Variants in INVS observed in about 807,000 individuals in gnomAD.
INVS encodes inversion of embryo turning homolog.
INVS carries 86 observed loss-of-function variants against 108.8 expected under a neutral mutation model. The ratio of observed to expected loss-of-function variants is 0.79; its 90% confidence interval spans 0.66 to 0.95. The LOEUF is 0.95. INVS is among the 40% of genes least tolerant of loss of function. The pLI is 0.00. For synonymous variants in INVS, 455 were observed against 473.5 expected (o/e 0.96, Z 0.51); for missense variants, 1,169 against 1,297.4 (o/e 0.90, Z 1.52).
At chr9:100,219,994 T>A (rs1564163272) in intron 3 of INVS, among the ~76,000 whole-genome samples, 1 of 152,122 alleles carries the variant, frequency 6.6e-6, no homozygotes, top group African/African-American at 2.4e-5. Context: ...GGTAATGGAA[T>A]TGGGGACACA....
chr9:100,239,986 A>G, intron 5 of INVS, 74 bp from the exon 6 acceptor site: 1 of 1,401,870 alleles, frequency 7.1e-7, no homozygotes, highest in Non-Finnish European at 1.0e-6. Flanking sequence ...GAAAGAAAGA[A>G]AAAAATACTT....
chr9:100,272,943 A>G lies in INVS; in HGVS notation c.1651A>G (p.Ile551Val). ...QFMLEHGALSIAAIQDIAAFK... is the reference protein window; with the variant it reads ...QFMLEHGALSVAAIQDIAAFK... ...CATGTTGGAGCACGGTGCCCTGTCC[A>G]TCGCAGCCATACAAGACATCGCCGC... The change falls in exon 12 of 17, where the codon ATC (isoleucine) becomes GTC (valine). Residue 551 changes from isoleucine (I) to valine (V), a missense_variant. Ile to Val is a conservative substitution (Grantham distance 29, BLOSUM62 3). Transcript: ENST00000262457. The G allele has an allele frequency of 5.0e-6, 8 of 1,614,164 alleles. No homozygotes were observed. The highest frequency in any genetic ancestry group is 6.8e-6 in the Non-Finnish European group (8 of 1,180,040).
chr9:100,171,334 A>T (rs1289141703), intron 3 of INVS, among the ~76,000 whole-genome samples: 1 of 152,164 alleles, frequency 6.6e-6, no homozygotes, highest in East Asian at 1.9e-4. Context: ...TATACTGTAC[A>T]GGTTTGTAGT....
intron 3 of INVS, among the ~76,000 whole-genome samples, chr9:100,187,357 T>C (rs1220803067): frequency 6.6e-6 from 1 of 152,026 alleles, no homozygotes; most frequent in African/African-American, 2.4e-5. Context: ...TGGTTCTATA[T>C]GAATTTTAGG....
At chr9:100,224,346 C>T (rs1831239767) in intron 3 of INVS, among the ~76,000 whole-genome samples, 1 of 152,206 alleles carries the variant, frequency 6.6e-6, no homozygotes, top group Non-Finnish European at 1.5e-5. Context: ...CCATTATCCT[C>T]TGAATAGGGA....
At position 100,138,776 on chromosome 9, in the gene INVS, G is replaced by A. The variant is rs190852364; in HGVS notation, c.273+12227G>A. Among the ~76,000 whole-genome samples the A allele has an allele frequency of 6.3e-5, 9 of 142,842 alleles. No homozygotes were observed. In the South Asian group the frequency reaches 6.9e-4, roughly 11 times the overall value. The allele number at this position is 142,842 out of a possible 152,430, so 93.7% of individuals were successfully genotyped here. ...GGCTGGAGTGCAGCAGCACGATCTCGGCTCACTGCAACGTCTGCCTCCTGG... is the reference window on the plus strand; with the variant it reads ...GGCTGGAGTGCAGCAGCACGATCTCAGCTCACTGCAACGTCTGCCTCCTGG... On this transcript the variant is annotated intron_variant, in intron 3 of 16. Transcript: ENST00000262457.
At chr9:100,193,619 A>C (rs1830289035) in intron 3 of INVS, among the ~76,000 whole-genome samples, 1 of 152,050 alleles carries the variant, frequency 6.6e-6, no homozygotes, top group South Asian at 2.1e-4. Flanking sequence ...TCCCCAAGCA[A>C]CCAGTGATCT....
chr9:100,260,626 A>G (rs948504371), intron 10 of INVS, among the ~76,000 whole-genome samples: 8 of 152,216 alleles, frequency 5.3e-5, no homozygotes, highest in African/African-American at 1.7e-4. Context: ...AGCTTATTCA[A>G]TCCTTACAAT....
In INVS at chr9:100,120,458, C is replaced by G. The variant is rs60086641; in HGVS notation, c.107-5925C>G. The G allele has an allele frequency of 5.4e-3, 992 of 185,326 alleles. 9 individuals are homozygous for G. Among genetic ancestry groups the G allele is most frequent in the African/African-American group, 0.022 (957 of 42,954 alleles). 11.5% of individuals were successfully genotyped at this position (185,326 alleles called of 1,614,324 possible). A position where few individuals can be genotyped will look rare whatever the true frequency, so the allele number is the denominator to read the frequency against. ...TGTCATAATTTCCTATTCTAGCATTCTCAGAAGGATCCCATCTATGATACA... is the reference window on the plus strand; with the variant it reads ...TGTCATAATTTCCTATTCTAGCATTGTCAGAAGGATCCCATCTATGATACA... On this transcript the variant is annotated intron_variant, in intron 2 of 16. Coordinates refer to ENST00000262457, the MANE Select transcript of INVS (RefSeq NM_014425.5).
chr9:100,300,342 G>A (rs564638892), intron 16 of INVS, among the ~76,000 whole-genome samples: 2 of 152,272 alleles, frequency 1.3e-5, no homozygotes, highest in Non-Finnish European at 2.9e-5. Flanking sequence ...AGCTCCCCAA[G>A]TGCCTGCTCT....
intron 8 of INVS, among the ~76,000 whole-genome samples, chr9:100,248,142 G>T (rs1832104731): frequency 6.6e-6 from 1 of 152,112 alleles, no homozygotes; most frequent in African/African-American, 2.4e-5. Flanking sequence ...TTCTTAAGGG[G>T]CATAGTGCAG....
intron 2 of INVS, among the ~76,000 whole-genome samples, chr9:100,108,099 G>A (rs1300905585): frequency 6.6e-6 from 1 of 152,080 alleles, no homozygotes; most frequent in Non-Finnish European, 1.5e-5. Flanking sequence ...ATTCATTAAT[G>A]CTTTAATTAA....
intron 13 of INVS, among the ~76,000 whole-genome samples, chr9:100,288,016 A>C (rs562393538): frequency 6.6e-6 from 1 of 152,350 alleles, no homozygotes; most frequent in East Asian, 1.9e-4. Flanking sequence ...AACAGTGGTA[A>C]GACAGGAACA....
intron 3 of INVS, among the ~76,000 whole-genome samples, chr9:100,201,343 C>G (rs564539019): frequency 1.9e-3 from 283 of 152,350 alleles, no homozygotes; most frequent in Non-Finnish European, 3.0e-3. Flanking sequence ...GGTTAGCAAA[C>G]AAATCTGTCC....
At chr9:100,277,986 TAGG>T (rs1833159586) in intron 12 of INVS, among the ~76,000 whole-genome samples, 1 of 152,060 alleles carries the variant, frequency 6.6e-6, no homozygotes, top group Admixed American at 6.5e-5. Flanking sequence ...CACAGCACTT[TAGG>T]AGGCCAAGGC....
intron 3 of INVS, 26 bp from the exon 4 acceptor site, chr9:100,226,036 C>G: frequency 2.6e-6 from 4 of 1,567,248 alleles, no homozygotes; most frequent in Non-Finnish European, 3.5e-6. Context: ...ACATTTTTTT[C>G]TTATCATCTC....
Position 100,284,493 on chromosome 9 carries a change from C to G in INVS, c.1958C>G (p.Pro653Arg). ...QPPAGNVAQG[P>R]EPRDSRGSPG... ...CCTGCTGGCAACGTGGCCCAAGGCC[C>G]TGAGCCAAGAGACAGCAGAGGATCT... The change falls in exon 13 of 17, where the codon CCT (proline) becomes CGT (arginine). Residue 653 changes from proline (P) to arginine (R), a missense_variant. Coordinates refer to ENST00000262457, the MANE Select transcript of INVS (RefSeq NM_014425.5). The G allele has an allele frequency of 6.2e-7, 1 of 1,614,136 alleles. No homozygotes were observed. The highest frequency in any genetic ancestry group is 8.5e-7 in the Non-Finnish European group (1 of 1,180,006).
At chr9:100,139,051 T>A (rs1331256748) in intron 3 of INVS, among the ~76,000 whole-genome samples, 1 of 152,210 alleles carries the variant, frequency 6.6e-6, no homozygotes, top group Non-Finnish European at 1.5e-5. Flanking sequence ...TCAAAACAGA[T>A]GAAAGCATGT....
At chr9:100,103,364 T>A (rs1218826628) in intron 1 of INVS, among the ~76,000 whole-genome samples, 2 of 151,556 alleles carry the variant, frequency 1.3e-5, no homozygotes, top group African/African-American at 4.8e-5. Context: ...TGGTGGCTTA[T>A]GCCTGTAATC....
Sources: allele counts gnomAD v4.1 joint callset (sites outside exome capture counted in the v4.1 genomes callset), GRCh38; gene constraint gnomAD v4.1.1; transcripts MANE v1.5; gene names NCBI Gene and HGNC (gene_info 2026-07-23, HGNC 2026-07-21).